The following SLC2A13 variants were observed in gnomAD, a reference collection of about 807,000 sequenced individuals.
SLC2A13 encodes proton myo-inositol cotransporter.
SLC2A13 carries 32 observed loss-of-function variants against 64.4 expected under a neutral mutation model. The observed-to-expected ratio is 0.50, with a 90% CI of 0.37 to 0.67. The LOEUF (loss-of-function observed/expected upper bound fraction) is 0.67. Among genes scored for constraint, SLC2A13 ranks in the 30% least tolerant of loss-of-function variants. The pLI is 0.00. For missense variants in SLC2A13, 743 were observed against 829.2 expected (o/e 0.90, Z 1.28); for synonymous variants, 338 against 327.1 (o/e 1.03, Z -0.36).
intron 3 of SLC2A13, among the ~76,000 whole-genome samples, chr12:39,953,460 C>T (rs1184039509): frequency 6.6e-6 from 1 of 152,056 alleles, no homozygotes; most frequent in Admixed American, 6.6e-5. Context: ...GGCAGTAAAA[C>T]TTCCTTTACA....
chr12:39,958,045 C>T (rs528057053), intron 3 of SLC2A13, among the ~76,000 whole-genome samples: 2 of 152,252 alleles, frequency 1.3e-5, no homozygotes, highest in East Asian at 3.9e-4. Context: ...AAACAGAAGT[C>T]CTCATTTCTC....
chr12:39,827,653 C>A (rs1263331610), intron 7 of SLC2A13, among the ~76,000 whole-genome samples: 1 of 152,100 alleles, frequency 6.6e-6, no homozygotes, highest in Non-Finnish European at 1.5e-5. Flanking sequence ...TGCAGCAGCT[C>A]AGTCTACTAC....
chr12:39,920,663 T>C lies in SLC2A13; in HGVS notation c.1034+30594A>G, dbSNP rs1387788346. On this transcript the variant is annotated intron_variant, in intron 4 of 9. Transcript: ENST00000280871. ...TCCCAATTATATCAATCACTAGCTC[T>C]AAGATCTCAGGCAAAATACTGCACT... is the stretch of plus-strand genomic sequence containing the variant. Among the ~76,000 whole-genome samples, 3 of 152,084 alleles carry C rather than the reference T, an allele frequency of 2.0e-5. No individual in the cohort carries two copies. The East Asian group carries it at 5.8e-4, about 29-fold the overall frequency.
intron 3 of SLC2A13, among the ~76,000 whole-genome samples, chr12:40,027,732 T>G (rs80236405): frequency 0.015 from 2,209 of 152,334 alleles, 60 homozygotes; most frequent in African/African-American, 0.051. Context: ...TAATTGTTAT[T>G]GTTGAAAAAA....
intron 1 of SLC2A13, among the ~76,000 whole-genome samples, chr12:40,086,346 C>A (rs946014653): frequency 2.0e-5 from 3 of 151,918 alleles, no homozygotes; most frequent in Non-Finnish European, 2.9e-5. Context: ...ATTTTATATA[C>A]TCATAAAAAT....
chr12:39,770,673 C>T lies in SLC2A13; in HGVS notation c.1446-5815G>A, dbSNP rs188196977. 6.6e-5 allele frequency among the ~76,000 whole-genome samples: 10 copies of T among 152,280 alleles called. No homozygotes were observed. In the East Asian group the frequency reaches 1.9e-3, roughly 29 times the overall value. ...ACTCAATGCTTAGCATACTGCCTGG[C>T]ATGTGGTATATGCATAGCATAAGTA... On this transcript the variant is annotated intron_variant, in intron 7 of 9. Coordinates refer to ENST00000280871, the MANE Select transcript of SLC2A13 (RefSeq NM_052885.4).
chr12:40,014,338 T>C (rs529480402), intron 3 of SLC2A13, among the ~76,000 whole-genome samples: 1 of 152,302 alleles, frequency 6.6e-6, no homozygotes, highest in South Asian at 2.1e-4. Context: ...AAACTATCCC[T>C]TTTGTAAAAG....
intron 3 of SLC2A13, among the ~76,000 whole-genome samples, chr12:39,967,415 G>A (rs539380782): frequency 1.3e-5 from 2 of 152,210 alleles, no homozygotes; most frequent in East Asian, 3.9e-4. Context: ...GTGCCTCTCA[G>A]GGATACCCTG....
At chr12:39,958,457 G>T (rs1390769341) in intron 3 of SLC2A13, among the ~76,000 whole-genome samples, 1 of 152,168 alleles carries the variant, frequency 6.6e-6, no homozygotes, top group Non-Finnish European at 1.5e-5. Flanking sequence ...GAGATAATAA[G>T]GTTCCTGGCA....
rs4767959 is a variant in SLC2A13, at chr12:40,026,492, G to A, written c.925+1809C>T. ...AAAAATTCATTTGGTTATATATTCC[G>A]AATAATGTCTAAAACTCAAATAGGA... is the stretch of plus-strand genomic sequence containing the variant. On this transcript the variant is annotated intron_variant, in intron 3 of 9. Transcript: ENST00000280871. Among the ~76,000 whole-genome samples the A allele has an allele frequency of 4.4e-3, 675 of 152,154 alleles. 3 individuals carry two copies. The highest frequency in any genetic ancestry group is 7.1e-3 in the Non-Finnish European group (482 of 68,000).
At chr12:39,944,304 A>G (rs779426378) in intron 4 of SLC2A13, among the ~76,000 whole-genome samples, 1 of 152,260 alleles carries the variant, frequency 6.6e-6, no homozygotes, top group Non-Finnish European at 1.5e-5. Flanking sequence ...GCTGCTGAAT[A>G]GAATGTGCAT....
intron 4 of SLC2A13, among the ~76,000 whole-genome samples, chr12:39,938,460 G>C (rs949337686): frequency 6.6e-6 from 1 of 151,516 alleles, no homozygotes; most frequent in Non-Finnish European, 1.5e-5. Context: ...CCCTAGGTAG[G>C]GATTTGAATG....
intron 3 of SLC2A13, among the ~76,000 whole-genome samples, chr12:39,952,690 A>G (rs1053359922): frequency 7.9e-5 from 12 of 152,212 alleles, no homozygotes; most frequent in African/African-American, 2.9e-4. Flanking sequence ...ATTCAAAGCT[A>G]AATGTAGTGA....
Position 39,757,021 on chromosome 12 carries a change from T to C in SLC2A13, c.*3005A>G, listed in dbSNP as rs888577641. On this transcript the variant is annotated 3_prime_UTR_variant, in exon 10 of 10. Transcript: ENST00000280871. ...AAAATAATCATGTTTTGGGAAATGA[T>C]TGACTAAGGAGCAACAATCAAAATT... is the stretch of plus-strand genomic sequence containing the variant. The C allele has an allele frequency of 2.0e-5, 3 of 151,798 alleles. No individual in the cohort carries two copies. Among genetic ancestry groups the C allele is most frequent in the Non-Finnish European group, 4.4e-5 (3 of 67,704 alleles). The allele number at this position is 151,798 out of a possible 1,614,324, so 9.4% of individuals were successfully genotyped here.
At chr12:39,770,230 G>A (rs1336247471) in intron 7 of SLC2A13, among the ~76,000 whole-genome samples, 2 of 151,958 alleles carry the variant, frequency 1.3e-5, no homozygotes, top group African/African-American at 4.8e-5. Context: ...CTCCTCAATA[G>A]TTTATTCTGG....
chr12:40,015,069 T>C (rs1006963588), intron 3 of SLC2A13, among the ~76,000 whole-genome samples: 1 of 152,184 alleles, frequency 6.6e-6, no homozygotes, highest in Non-Finnish European at 1.5e-5. Flanking sequence ...TTAAAGGGTC[T>C]ATTTCTCACA....
chr12:39,898,750 T>A (rs905835149), intron 4 of SLC2A13, among the ~76,000 whole-genome samples: 1 of 152,064 alleles, frequency 6.6e-6, no homozygotes, highest in African/African-American at 2.4e-5. Flanking sequence ...GGAACCAGAG[T>A]CACCCACACT....
intron 3 of SLC2A13, among the ~76,000 whole-genome samples, chr12:40,016,544 C>G (rs531104757): frequency 6.6e-6 from 1 of 152,208 alleles, no homozygotes; most frequent in African/African-American, 2.4e-5. Flanking sequence ...GTGCTGAAGC[C>G]ACTGTAGTCA....
At chr12:39,894,106 G>T (rs1944680661) in intron 4 of SLC2A13, among the ~76,000 whole-genome samples, 1 of 152,136 alleles carries the variant, frequency 6.6e-6, no homozygotes, top group African/African-American at 2.4e-5. Context: ...TAGTAAACAT[G>T]GCCATACCAG....
Sources: gnomAD v4.1 joint callset for allele counts (sites outside exome capture counted in the v4.1 genomes callset) on GRCh38, gnomAD v4.1.1 for gene constraint, MANE v1.5 for transcripts, NCBI Gene and HGNC (gene_info 2026-07-23, HGNC 2026-07-21) for gene names.